The following TRPC5 variants were observed in gnomAD, a reference collection of about 807,000 sequenced individuals.
TRPC5 encodes transient receptor potential cation channel subfamily C member 5.
TRPC5 carries 9 observed loss-of-function variants against 56.5 expected under a neutral mutation model. The ratio of observed to expected loss-of-function variants is 0.16; its 90% CI spans 0.10 to 0.28. The LOEUF (loss-of-function observed/expected upper bound fraction) is 0.28, where lower values mean the gene tolerates loss of function less well. TRPC5 is among the 10% of genes least tolerant of loss of function. TRPC5 has a pLI of 1.00. For synonymous variants in TRPC5, 282 were observed against 278.5 expected (o/e 1.01, Z -0.13); for missense variants, 469 against 748.9 (o/e 0.63, Z 4.36).
At chrX:111,784,028 C>T (rs1569525116) in intron 7 of TRPC5, among the ~76,000 whole-genome samples, 1 of 111,864 alleles carries the variant, frequency 8.9e-6, no homozygotes, top group African/African-American at 3.2e-5. Context: ...GGACAACTCT[C>T]ATTTCTCCAT....
chrX:111,854,069 G>A lies in TRPC5; in HGVS notation c.938C>T (p.Thr313Ile). The A allele has an allele frequency of 8.3e-7, 1 of 1,210,885 alleles. No homozygotes were observed. The highest frequency in any genetic ancestry group is 1.1e-6 in the Non-Finnish European group (1 of 895,094). ...TCCAGGGAAGCCATCATACCACAGG[G>A]TGGCAAGCAACTGTTGGCAGTTGGG... ...AQPNCQQLLA[T>I]LWYDGFPGWR... Residue 313 changes from threonine to isoleucine, a missense_variant, in exon 4 of 11, where the codon ACC becomes ATC. Physicochemically the swap from Thr to Ile is moderately conservative, Grantham distance 89. Transcript: ENST00000262839.
intron 3 of TRPC5, among the ~76,000 whole-genome samples, chrX:111,909,132 A>AAAT (rs1164017674): frequency 3.5e-5 from 3 of 86,032 alleles, no homozygotes; most frequent in African/African-American, 1.2e-4. Context: ...AAAAATAAAT[A>AAAT]AATAAATAAA....
chrX:112,039,669 A>G (rs1215561166), intron 1 of TRPC5, among the ~76,000 whole-genome samples: 6 of 111,643 alleles, frequency 5.4e-5, no homozygotes, highest in African/African-American at 2.0e-4. Flanking sequence ...GCTAAGGATC[A>G]AGGATGGTCA....
At chrX:111,825,911 C>T (rs1343369806) in intron 7 of TRPC5, among the ~76,000 whole-genome samples, 2 of 111,948 alleles carry the variant, frequency 1.8e-5, no homozygotes, top group African/African-American at 6.5e-5. Context: ...TAGCTTCTCC[C>T]TTCCTCCTAC....
intron 10 of TRPC5, among the ~76,000 whole-genome samples, chrX:111,778,259 A>C (rs1945893942): frequency 1.8e-5 from 2 of 111,420 alleles, no homozygotes; most frequent in African/African-American, 6.5e-5. Context: ...ACAAACTTGC[A>C]TGTTCTGCAC....
intron 1 of TRPC5, among the ~76,000 whole-genome samples, chrX:112,049,950 CG>C (rs1211405814): frequency 9.0e-6 from 1 of 111,437 alleles, no homozygotes; most frequent in Non-Finnish European, 1.9e-5. Flanking sequence ...CTGAGGCAGG[CG>C]GATCACCTGA....
At chrX:112,023,251 T>G (rs1166848644) in intron 1 of TRPC5, among the ~76,000 whole-genome samples, 8 of 83,032 alleles carry the variant, frequency 9.6e-5, no homozygotes, top group Non-Finnish European at 1.8e-4. Flanking sequence ...TTTTTGTTTT[T>G]TTTTTTTTTT....
At chrX:111,908,735 G>A (rs1254279617) in intron 3 of TRPC5, among the ~76,000 whole-genome samples, 1 of 112,319 alleles carries the variant, frequency 8.9e-6, no homozygotes, top group East Asian at 2.8e-4. Context: ...TTTTCAAAAA[G>A]TGATTTACTT....
intron 3 of TRPC5, among the ~76,000 whole-genome samples, chrX:111,909,042 G>T (rs1382767328): frequency 1.8e-5 from 2 of 109,538 alleles, no homozygotes; most frequent in African/African-American, 3.3e-5. Flanking sequence ...CCAGCACTTT[G>T]AGGGGCCCAG....
chrX:112,076,692 GA>G (rs1270636634), intron 1 of TRPC5, among the ~76,000 whole-genome samples: 2 of 111,578 alleles, frequency 1.8e-5, no homozygotes, highest in Non-Finnish European at 1.9e-5. Context: ...CAAACATGCA[GA>G]AAATGCCTCA....
chrX:112,071,680 T>C (rs1930722929), intron 1 of TRPC5, among the ~76,000 whole-genome samples: 1 of 112,349 alleles, frequency 8.9e-6, no homozygotes, highest in Non-Finnish European at 1.9e-5. Context: ...AATTTGAGTT[T>C]CATATAACTT....
intron 1 of TRPC5, among the ~76,000 whole-genome samples, chrX:111,956,873 G>A (rs994569587): frequency 3.6e-5 from 4 of 111,521 alleles, no homozygotes; most frequent in Admixed American, 9.5e-5. Flanking sequence ...CCTCACCTGC[G>A]TGGTGAACAC....
intron 7 of TRPC5, among the ~76,000 whole-genome samples, chrX:111,782,340 A>C (rs1945926459): frequency 1.8e-5 from 2 of 112,047 alleles, no homozygotes; most frequent in Admixed American, 1.9e-4. Flanking sequence ...ATGTATGTAC[A>C]TGGCTGTTCA....
intron 1 of TRPC5, among the ~76,000 whole-genome samples, chrX:112,018,645 T>C (rs1440504079): frequency 8.9e-6 from 1 of 112,488 alleles, no homozygotes; most frequent in Non-Finnish European, 1.9e-5. Flanking sequence ...ATATTAGTTT[T>C]TTATTGCGGC....
Position 112,064,899 on chromosome X carries a change from C to T in TRPC5, c.-22+16980G>A, listed in dbSNP as rs779945667. The stretch of plus-strand genomic sequence containing the variant: ...ACCATCCTGGCTAACACGGTGAAAC[C>T]CTGTCTCTACTAAAAATACAAAAAA... On this transcript the variant is annotated intron_variant, in intron 1 of 10. Coordinates refer to ENST00000262839, the MANE Select transcript of TRPC5 (RefSeq NM_012471.3). Among the ~76,000 whole-genome samples the T allele has an allele frequency of 1.3e-4, 14 of 109,899 alleles. No homozygotes were observed. In the South Asian group the frequency reaches 5.6e-3, roughly 44 times the overall value.
chrX:111,807,952 C>CTGTG lies in TRPC5; in HGVS notation c.1897-25815_1897-25814insCACA, dbSNP rs1251135483. Among the ~76,000 whole-genome samples the CTGTG allele has an allele frequency of 4.9e-4, 40 of 82,235 alleles. 1 individual carries two copies. Among genetic ancestry groups the CTGTG allele is most frequent in the African/African-American group, 4.3e-3 (38 of 8,770 alleles). The allele number at this position is 82,235 out of a possible 115,157, so 71.4% of individuals were successfully genotyped here. Reference sequence around the variant, plus strand: ...AAACAAATGGAGTCTCTCTCTCTCTCTCTCTGTGTGTGTGTGTGTGTGTGT... The same window carrying CTGTG: ...AAACAAATGGAGTCTCTCTCTCTCTCTGTGTCTCTGTGTGTGTGTGTGTGTGTGT... On this transcript the variant is annotated intron_variant, in intron 7 of 10. Transcript: ENST00000262839.
intron 7 of TRPC5, among the ~76,000 whole-genome samples, chrX:111,795,717 G>A (rs1453252459): frequency 9.0e-6 from 1 of 111,482 alleles, no homozygotes; most frequent in Non-Finnish European, 1.9e-5. Flanking sequence ...CCTGCTAGGG[G>A]TTATTTGAAC....
At chrX:111,916,499 G>A (rs1419975934) in intron 2 of TRPC5, among the ~76,000 whole-genome samples, 2 of 112,016 alleles carry the variant, frequency 1.8e-5, no homozygotes, top group African/African-American at 6.5e-5. Flanking sequence ...CATCAGGACA[G>A]CCAAAGTAAA....
intron 3 of TRPC5, among the ~76,000 whole-genome samples, chrX:111,910,811 C>G (rs774091453): frequency 5.1e-4 from 58 of 112,696 alleles, no homozygotes; most frequent in African/African-American, 1.9e-3. Flanking sequence ...GGATTACAGG[C>G]GTGAGCCACC....
Sources: gnomAD v4.1 joint callset for allele counts (sites outside exome capture counted in the v4.1 genomes callset) on GRCh38, gnomAD v4.1.1 for gene constraint, MANE v1.5 for transcripts, NCBI Gene and HGNC (gene_info 2026-07-23, HGNC 2026-07-21) for gene names.